RYR2: variants seen among roughly 807,000 people sequenced by gnomAD.
The protein encoded by RYR2 is ryanodine receptor 2, also known as cardiac muscle ryanodine receptor-calcium release channel.
RYR2 carries 227 observed loss-of-function variants against 601.1 expected under a neutral mutation model. The ratio of observed to expected loss-of-function variants is 0.38; its 90% CI spans 0.34 to 0.42. The LOEUF is 0.42. RYR2 is among the 10% of genes least tolerant of loss of function. The pLI, the probability that RYR2 is intolerant of heterozygous loss-of-function variation, is 1.00. For synonymous variants in RYR2, 2,223 were observed against 2,175.1 expected, an observed-to-expected ratio of 1.02 and a Z score of -0.61; for missense variants, 4,646 against 6,156.5, an observed-to-expected ratio of 0.75 and a Z score of 8.21.
rs191095144 is a variant in RYR2 at position 237,773,398 on chromosome 1, T to A, written c.11647-122T>A. On this transcript the variant is annotated intron_variant, in intron 86 of 104. Transcript: ENST00000366574. ...AAGAATGATATTTACTTCACAGATA[T>A]TTTTGTTTGCTACCATATCTATTAT... 1.2e-5 allele frequency: 7 copies of A among 599,830 alleles called. No individual in the cohort carries two copies. The Admixed American group carries it at 1.5e-4, about 13-fold the overall frequency. 37.2% of individuals were successfully genotyped at this position (599,830 alleles called of 1,614,324 possible).
chr1:237,677,411 A>G (rs1406930022), intron 60 of RYR2, among the ~76,000 whole-genome samples: 2 of 152,186 alleles, frequency 1.3e-5, no homozygotes, highest in Non-Finnish European at 2.9e-5. Flanking sequence ...GACCTTGGTA[A>G]ACCATGGGGA....
At chr1:237,359,116 T>C (rs1229520226) in intron 4 of RYR2, among the ~76,000 whole-genome samples, 1 of 152,128 alleles carries the variant, frequency 6.6e-6, no homozygotes, top group Non-Finnish European at 1.5e-5. Flanking sequence ...CAAAAATGCA[T>C]GTAATACACC....
chr1:237,355,596 T>A (rs569864343), intron 3 of RYR2, among the ~76,000 whole-genome samples: 27 of 152,184 alleles, frequency 1.8e-4, no homozygotes, highest in Non-Finnish European at 2.8e-4. Flanking sequence ...TTGATCTTTT[T>A]AATTAAATCA....
At chr1:237,204,935 A>G (rs1321042112) in intron 1 of RYR2, among the ~76,000 whole-genome samples, 1 of 152,178 alleles carries the variant, frequency 6.6e-6, no homozygotes, top group Non-Finnish European at 1.5e-5. Context: ...AGGCTTCCCT[A>G]CAGCAGAAGG....
At chr1:237,457,442 C>G (rs1658971420) in intron 16 of RYR2, among the ~76,000 whole-genome samples, 1 of 152,098 alleles carries the variant, frequency 6.6e-6, no homozygotes, top group Admixed American at 6.6e-5. Context: ...GATTTTTACC[C>G]TATTTGCAAG....
chr1:237,364,412 A>T, intron 5 of RYR2, 40 bp downstream of exon 5: 1 of 1,176,514 alleles, frequency 8.5e-7, no homozygotes, highest in Non-Finnish European at 1.2e-6. Context: ...TATATATAGC[A>T]GATATATTAC....
rs771847292 is a variant in RYR2, at chr1:237,417,089, C to T, written c.814C>T (p.Arg272Cys). The change falls in exon 11 of 105, where the codon CGT becomes TGT. Residue 272 changes from arginine (R) to cysteine (C), a missense_variant. Physicochemically the swap from Arg to Cys is radical, Grantham distance 180. Transcript: ENST00000366574. ...YEGGAVSVHARSLWRLETLRV... is the reference protein window; with the variant it reads ...YEGGAVSVHACSLWRLETLRV... ...AGGTGGCGCTGTGTCTGTTCATGCA[C>T]GTTCCCTTTGGAGACTAGAGACGCT... The T allele has an allele frequency of 2.5e-6, 4 of 1,613,824 alleles. No homozygotes were observed. The highest frequency in any genetic ancestry group is 3.4e-6 in the Non-Finnish European group (4 of 1,179,804).
At chr1:237,427,052 G>A (rs1307332725) in intron 12 of RYR2, among the ~76,000 whole-genome samples, 2 of 152,122 alleles carry the variant, frequency 1.3e-5, no homozygotes, top group East Asian at 3.9e-4. Flanking sequence ...ATACTTAACA[G>A]CCAAAAAGGA....
intron 17 of RYR2, among the ~76,000 whole-genome samples, chr1:237,478,861 G>A (rs547019610): frequency 6.6e-6 from 1 of 152,294 alleles, no homozygotes; most frequent in African/African-American, 2.4e-5. Flanking sequence ...TAATGTCTCA[G>A]TTGGGGGCCA....
intron 29 of RYR2, among the ~76,000 whole-genome samples, chr1:237,587,762 ATG>A (rs1674693879): frequency 6.6e-6 from 1 of 152,208 alleles, no homozygotes. Flanking sequence ...TATTTCAAAT[ATG>A]CAGAAAAGTT....
At chr1:237,788,911 ATG>A (rs1370359421) in intron 92 of RYR2, among the ~76,000 whole-genome samples, 8 of 152,088 alleles carry the variant, frequency 5.3e-5, no homozygotes, top group Admixed American at 2.0e-4. Flanking sequence ...ATACACATAT[ATG>A]TGTCTCCTAT....
At chr1:237,545,835 G>A (rs1669742982) in intron 25 of RYR2, among the ~76,000 whole-genome samples, 1 of 151,734 alleles carries the variant, frequency 6.6e-6, no homozygotes, top group Non-Finnish European at 1.5e-5. Context: ...TGAGGCAGGA[G>A]GACTGCTTGA....
intron 29 of RYR2, among the ~76,000 whole-genome samples, chr1:237,582,102 ATTTTT>A (rs1673973706): frequency 6.6e-6 from 1 of 150,868 alleles, no homozygotes; most frequent in East Asian, 1.9e-4. Flanking sequence ...TTTTTATTTT[ATTTTT>A]ATTTTATTTT....
chr1:237,273,309 C>T (rs574979453), intron 2 of RYR2, among the ~76,000 whole-genome samples: 14 of 152,262 alleles, frequency 9.2e-5, no homozygotes, highest in South Asian at 2.1e-4. Context: ...TCTCACAGGA[C>T]GCAGAGCTCA....
intron 79 of RYR2, 107 bp downstream of exon 79, chr1:237,733,863 T>C: frequency 1.3e-6 from 1 of 791,230 alleles, no homozygotes; most frequent in Non-Finnish European, 2.1e-6. Flanking sequence ...CAACTTTTTG[T>C]TTGTAGCATG....
chr1:237,669,706 A>G (rs1438408112), intron 58 of RYR2, among the ~76,000 whole-genome samples: 3 of 144,430 alleles, frequency 2.1e-5, no homozygotes, highest in East Asian at 2.1e-4. Context: ...CCGGGCAGAG[A>G]CGCTCCTCAC....
chr1:237,513,245 A>G (rs1157622398), intron 24 of RYR2, among the ~76,000 whole-genome samples: 1 of 152,230 alleles, frequency 6.6e-6, no homozygotes, highest in Non-Finnish European at 1.5e-5. Flanking sequence ...AAAAGTAAAG[A>G]GAATATTTTT....
chr1:237,269,787 C>A (rs1158149886), intron 1 of RYR2, among the ~76,000 whole-genome samples: 2 of 152,134 alleles, frequency 1.3e-5, no homozygotes, highest in African/African-American at 4.8e-5. Context: ...GTCCTAAAGT[C>A]CGTGATTCCT....
intron 1 of RYR2, among the ~76,000 whole-genome samples, chr1:237,190,144 C>T (rs1019590274): frequency 6.6e-6 from 1 of 152,140 alleles, no homozygotes; most frequent in Non-Finnish European, 1.5e-5. Flanking sequence ...CTGCTTTGGC[C>T]TCCCAAAGTG....
Sources: gnomAD v4.1 joint callset for allele counts (sites outside exome capture counted in the v4.1 genomes callset) on GRCh38, gnomAD v4.1.1 for gene constraint, MANE v1.5 for transcripts, NCBI Gene and HGNC (gene_info 2026-07-23, HGNC 2026-07-21) for gene names.